The following UGT1A8 variants were observed in gnomAD, a reference collection of about 807,000 sequenced individuals.
UGT1A8 encodes UDP glucuronosyltransferase family 1 member A8.
A neutral mutation model predicts 45.3 loss-of-function variants in UGT1A8; 39 were observed. That is an observed-to-expected ratio of 0.86 (90% CI 0.67 to 1.12). UGT1A8 has a LOEUF of 1.12. UGT1A8 is among the 50% of genes most tolerant of loss of function. The pLI is 0.00. For synonymous variants in UGT1A8, 275 were observed against 249.2 expected, an observed-to-expected ratio of 1.10 and a Z score of -0.97; for missense variants, 719 against 664.9, an observed-to-expected ratio of 1.08 and a Z score of -0.90.
At chr2:233,706,901 C>T (rs976577483) in intron 1 of UGT1A8, among the ~76,000 whole-genome samples, 2 of 152,168 alleles carry the variant, frequency 1.3e-5, no homozygotes, top group African/African-American at 4.8e-5. Flanking sequence ...AGGCATTTTA[C>T]AATCCTAGCT....
intron 1 of UGT1A8, chr2:233,648,919 A>C: frequency 7.3e-7 from 1 of 1,366,440 alleles, no homozygotes; most frequent in Non-Finnish European, 1.0e-6. Flanking sequence ...CCACACATCA[A>C]TTTGGTTGCT....
At chr2:233,626,756 T>C (rs2073090714) in intron 1 of UGT1A8, among the ~76,000 whole-genome samples, 1 of 152,172 alleles carries the variant, frequency 6.6e-6, no homozygotes, top group East Asian at 1.9e-4. Context: ...TGACCCCTGA[T>C]TGAGAGACTG....
intron 1 of UGT1A8, among the ~76,000 whole-genome samples, chr2:233,738,155 C>A (rs1206692436): frequency 1.3e-5 from 2 of 152,160 alleles, no homozygotes; most frequent in Non-Finnish European, 2.9e-5. Context: ...GCAAGCTATT[C>A]CTCTTTCTCT....
intron 1 of UGT1A8, among the ~76,000 whole-genome samples, chr2:233,686,277 A>G (rs2074781499): frequency 6.6e-6 from 1 of 152,130 alleles, no homozygotes; most frequent in Non-Finnish European, 1.5e-5. Context: ...CCAAAAGTAC[A>G]AGAAACTAAA....
At chr2:233,726,279 G>C (rs566930046) in intron 1 of UGT1A8, among the ~76,000 whole-genome samples, 9 of 152,210 alleles carry the variant, frequency 5.9e-5, no homozygotes, top group Non-Finnish European at 1.2e-4. Flanking sequence ...TATGGTCCCA[G>C]GTACTTGGGA....
intron 1 of UGT1A8, among the ~76,000 whole-genome samples, chr2:233,703,920 T>G (rs1316054867): frequency 6.6e-6 from 1 of 151,942 alleles, no homozygotes; most frequent in Non-Finnish European, 1.5e-5. Flanking sequence ...AGACAAAATC[T>G]CATTCTGTTA....
intron 1 of UGT1A8, among the ~76,000 whole-genome samples, chr2:233,638,291 A>G (rs1189706245): frequency 6.6e-6 from 1 of 152,168 alleles, no homozygotes; most frequent in African/African-American, 2.4e-5. Context: ...TTTAGAAACT[A>G]TTTTGTACAG....
intron 1 of UGT1A8, among the ~76,000 whole-genome samples, chr2:233,631,897 G>A (rs543069400): frequency 6.6e-6 from 1 of 152,242 alleles, no homozygotes; most frequent in East Asian, 1.9e-4. Flanking sequence ...TTTTAGTTAT[G>A]AAGTCTTTGC....
At chr2:233,725,467 G>A (rs1170231243) in intron 1 of UGT1A8, among the ~76,000 whole-genome samples, 1 of 151,678 alleles carries the variant, frequency 6.6e-6, no homozygotes, top group Non-Finnish European at 1.5e-5. Flanking sequence ...TTTTCTAGTG[G>A]GCATGTTAGA....
chr2:233,659,566 G>T (rs1338046864), intron 1 of UGT1A8, among the ~76,000 whole-genome samples: 1 of 152,170 alleles, frequency 6.6e-6, no homozygotes, highest in South Asian at 2.1e-4. Flanking sequence ...GTAGGCTGAG[G>T]AGGAAGAGGA....
At chr2:233,742,507 G>A (rs1692002701) in intron 1 of UGT1A8, among the ~76,000 whole-genome samples, 1 of 151,888 alleles carries the variant, frequency 6.6e-6, no homozygotes, top group Non-Finnish European at 1.5e-5. Flanking sequence ...TGGCTATCAT[G>A]AACACGTCAC....
At position 233,765,866 on chromosome 2, in the gene UGT1A8, G is replaced by A. The variant is rs1008092006; in HGVS notation, c.856-1168G>A. On this transcript the variant is annotated intron_variant, in intron 1 of 4. Transcript: ENST00000373450. ...TCCCCCTCACAGAGCATGTGACAGCGGGAGGGGCTCACTTTCTCAGTGCGC... is the reference window on the plus strand; with the variant it reads ...TCCCCCTCACAGAGCATGTGACAGCAGGAGGGGCTCACTTTCTCAGTGCGC... Among the ~76,000 whole-genome samples the A allele has an allele frequency of 3.3e-5, 5 of 152,054 alleles. No homozygotes were observed. The East Asian group carries it at 5.8e-4, about 18-fold the overall frequency.
intron 1 of UGT1A8, among the ~76,000 whole-genome samples, chr2:233,684,502 T>G (rs2125529215): frequency 6.6e-6 from 1 of 152,288 alleles, no homozygotes; most frequent in African/African-American, 2.4e-5. Flanking sequence ...CAAAGGGATT[T>G]AGAGATGTAG....
At chr2:233,755,921 AT>A (rs1696067229) in intron 1 of UGT1A8, 1 of 146,266 alleles carries the variant, frequency 6.8e-6, no homozygotes, top group Non-Finnish European at 1.5e-5. Context: ...GAAGAGTGGC[AT>A]CGTTTTACAG....
intron 1 of UGT1A8, among the ~76,000 whole-genome samples, chr2:233,736,036 C>T (rs2078722234): frequency 6.6e-6 from 1 of 152,082 alleles, no homozygotes; most frequent in Non-Finnish European, 1.5e-5. Context: ...CTCTGTATTT[C>T]CTGAATTTGA....
At chr2:233,671,241 G>A (rs1052742930) in intron 1 of UGT1A8, among the ~76,000 whole-genome samples, 2 of 152,152 alleles carry the variant, frequency 1.3e-5, no homozygotes, top group African/African-American at 4.8e-5. Flanking sequence ...AGGATTGGGC[G>A]GGCAACTTCC....
At chr2:233,748,098 A>C in intron 1 of UGT1A8, 1 of 1,612,702 alleles carries the variant, frequency 6.2e-7, no homozygotes, top group Non-Finnish European at 8.5e-7. Flanking sequence ...TCGTGCCTTC[A>C]TCCAATCAAT....
At chr2:233,724,407 G>T (rs1452797462) in intron 1 of UGT1A8, among the ~76,000 whole-genome samples, 1 of 141,630 alleles carries the variant, frequency 7.1e-6, no homozygotes, top group Non-Finnish European at 1.5e-5. Flanking sequence ...CCCAGATGGG[G>T]TGGCTGCCGG....
intron 1 of UGT1A8, among the ~76,000 whole-genome samples, chr2:233,762,717 GTTT>G (rs34681509): frequency 7.1e-6 from 1 of 141,162 alleles, no homozygotes. Context: ...ATTTTACACG[GTTT>G]TTTTTTTTTG....
Sources: gnomAD v4.1 joint callset for allele counts (sites outside exome capture counted in the v4.1 genomes callset) on GRCh38, gnomAD v4.1.1 for gene constraint, MANE v1.5 for transcripts, NCBI Gene and HGNC (gene_info 2026-07-23, HGNC 2026-07-21) for gene names.